Variants in GKAP1 observed in about 807,000 individuals in gnomAD.
GKAP1 encodes G kinase anchoring protein 1.
GKAP1 carries 31 observed loss-of-function variants against 56.7 expected under a neutral mutation model. The observed-to-expected ratio is 0.55, with a 90% CI of 0.41 to 0.74. The LOEUF is 0.74. GKAP1 is among the 30% of genes least tolerant of loss of function. GKAP1 has a pLI of 0.00. For missense variants in GKAP1, 364 were observed against 402.3 expected (o/e 0.90, Z 0.82); for synonymous variants, 151 against 138.6 (o/e 1.09, Z -0.63).
chr9:83,784,282 A>G (rs1445394480), intron 6 of GKAP1, among the ~76,000 whole-genome samples: 4 of 149,980 alleles, frequency 2.7e-5, no homozygotes, highest in Non-Finnish European at 4.4e-5. Context: ...AGAAAAAAAA[A>G]AAGAAGAATT....
At chr9:83,777,747 T>A (rs774631373) in intron 7 of GKAP1, among the ~76,000 whole-genome samples, 40 of 152,178 alleles carry the variant, frequency 2.6e-4, no homozygotes, top group Admixed American at 1.3e-3. Flanking sequence ...ATATTAAAGA[T>A]GGAATGAATT....
intron 3 of GKAP1, among the ~76,000 whole-genome samples, chr9:83,799,837 C>T (rs910997046): frequency 2.6e-5 from 4 of 152,120 alleles, no homozygotes; most frequent in African/African-American, 7.2e-5. Context: ...TGGTGACACA[C>T]ACCTGTGGTC....
rs1485749456 is a variant in GKAP1, at chr9:83,774,701, CCTTTTTTTTTTT to C, written c.585+5669_585+5680del. ...AGAAACTATCAATAAACAGAAACCC[CCTTTTTTTTTTT>C]TTTTTTTTTTTTTTTGAGACAGAGG... On this transcript the variant is annotated intron_variant, in intron 7 of 12. Coordinates refer to ENST00000376371, the MANE Select transcript of GKAP1 (RefSeq NM_025211.4). 1.8e-4 allele frequency among the ~76,000 whole-genome samples: 18 copies of C among 100,972 alleles called. No homozygotes were observed. In the South Asian group the frequency reaches 3.9e-3, roughly 22 times the overall value. The allele number at this position is 100,972 out of a possible 152,430, so 66.2% of individuals were successfully genotyped here.
intron 5 of GKAP1, 37 bp from the exon 6 acceptor site, chr9:83,784,875 AC>A (rs762981947): frequency 6.9e-7 from 1 of 1,441,528 alleles, no homozygotes; most frequent in Non-Finnish European, 9.4e-7. Context: ...AGTTCAGTTT[AC>A]AAACTGTAAA....
At chr9:83,778,370 A>AAAGAATGAG (rs1449468339) in intron 7 of GKAP1, among the ~76,000 whole-genome samples, 3 of 152,210 alleles carry the variant, frequency 2.0e-5, no homozygotes, top group African/African-American at 7.2e-5. Context: ...CAGCCATAAA[A>AAAGAATGAG]AAGAATGAGA....
chr9:83,782,090 C>T (rs934658677), intron 6 of GKAP1, among the ~76,000 whole-genome samples: 1 of 152,032 alleles, frequency 6.6e-6, no homozygotes, highest in Non-Finnish European at 1.5e-5. Context: ...GATCCGCCCA[C>T]CTCGGCCTCC....
intron 3 of GKAP1, among the ~76,000 whole-genome samples, chr9:83,803,290 C>T (rs1425724301): frequency 4.6e-5 from 7 of 151,748 alleles, no homozygotes; most frequent in Admixed American, 6.6e-5. Flanking sequence ...CCACGGTCTC[C>T]CTCTGATGCC....
rs779809540 is a variant in GKAP1 at position 83,806,370 on chromosome 9, T to A, written c.148A>T (p.Thr50Ser). 3.2e-6 allele frequency: 5 copies of A among 1,578,270 alleles called. No individual in the cohort carries two copies. The highest frequency in any genetic ancestry group is 4.3e-6 in the Non-Finnish European group (5 of 1,160,924). ...TTCTCTCTTTTTTTCTCATTTGTAGTTGACTTGCTTCCTAAAGTTTGAGAC... is the reference window on the plus strand; with the variant it reads ...TTCTCTCTTTTTTTCTCATTTGTAGATGACTTGCTTCCTAAAGTTTGAGAC... ...GKSQTLGSKS[T>S]TNEKKREKRR... The change falls in exon 3 of 13, where the codon ACT (threonine) becomes TCT (serine). Residue 50 changes from threonine (T) to serine (S), a missense_variant. By Grantham distance (58) the Thr-to-Ser change is moderately conservative (BLOSUM62 1). Transcript: ENST00000376371.
intron 7 of GKAP1, among the ~76,000 whole-genome samples, chr9:83,779,612 T>TACACACACACACACAC (rs10546262): frequency 1.6e-5 from 2 of 127,380 alleles, no homozygotes; most frequent in East Asian, 4.5e-4. Flanking sequence ...TATACACATA[T>TACACACACACACACAC]ACACACACAC....
At chr9:83,779,665 T>C (rs900207945) in intron 7 of GKAP1, among the ~76,000 whole-genome samples, 12 of 148,676 alleles carry the variant, frequency 8.1e-5, no homozygotes, top group Non-Finnish European at 1.6e-4. Flanking sequence ...TCGAGGACCA[T>C]CTGACCATAA....
chr9:83,802,372 G>C (rs990272582), intron 3 of GKAP1, among the ~76,000 whole-genome samples: 3 of 122,478 alleles, frequency 2.4e-5, no homozygotes, highest in Non-Finnish European at 3.5e-5. Context: ...CCAGCTACTC[G>C]AGAGGCTGAG....
intron 7 of GKAP1, among the ~76,000 whole-genome samples, chr9:83,779,494 CATATACACAT>C (rs895672052): frequency 1.9e-5 from 2 of 103,486 alleles, no homozygotes; most frequent in African/African-American, 6.6e-5. Context: ...CATATATACA[CATATACACAT>C]ATATGTGTAT....
At chr9:83,794,098 T>A (rs2131305477) in intron 4 of GKAP1, among the ~76,000 whole-genome samples, 1 of 152,040 alleles carries the variant, frequency 6.6e-6, no homozygotes, top group African/African-American at 2.4e-5. Flanking sequence ...AGCCTGGGAG[T>A]CAAGGCTGCA....
At chr9:83,798,324 G>GT in intron 4 of GKAP1, among the ~76,000 whole-genome samples, 1 of 152,106 alleles carries the variant, frequency 6.6e-6, no homozygotes, top group South Asian at 2.1e-4. Flanking sequence ...TCCAGGCTTA[G>GT]TATGTTATTT....
rs1442444417 is a variant in GKAP1 at position 83,759,914 on chromosome 9, C to T, written c.739-6555G>A. 2.6e-5 allele frequency among the ~76,000 whole-genome samples: 4 copies of T among 152,138 alleles called. No homozygotes were observed. In the East Asian group the frequency reaches 7.7e-4, roughly 29 times the overall value. On this transcript the variant is annotated intron_variant, in intron 8 of 12. Transcript: ENST00000376371. Reference sequence around the variant, plus strand: ...TAACGTCTGCTGACTAAATTATAAACCAGCCTTTAAATTTGCCACAGTCTT... The same window carrying T: ...TAACGTCTGCTGACTAAATTATAAATCAGCCTTTAAATTTGCCACAGTCTT...
chr9:83,758,048 A>G (rs1943506123), intron 8 of GKAP1, among the ~76,000 whole-genome samples: 1 of 152,196 alleles, frequency 6.6e-6, no homozygotes, highest in Non-Finnish European at 1.5e-5. Flanking sequence ...GAAGGCCACA[A>G]GAGGGGACAG....
chr9:83,780,552 T>C, intron 6 of GKAP1, 148 bp from the exon 7 acceptor site: 1 of 496,174 alleles, frequency 2.0e-6, no homozygotes, highest in Non-Finnish European at 3.6e-6. Context: ...TCTAGGATTC[T>C]CATCTGATTT....
At position 83,772,321 on chromosome 9, in the gene GKAP1, A is replaced by T. The variant is rs578167763; in HGVS notation, c.586-3351T>A. ...ATATTTATGATCAAATTTACTTTTTAAAAAGGTGTCAAGGTATTTTATTAA... is the reference window on the plus strand; with the variant it reads ...ATATTTATGATCAAATTTACTTTTTTAAAAGGTGTCAAGGTATTTTATTAA... On this transcript the variant is annotated intron_variant, in intron 7 of 12. Coordinates refer to ENST00000376371, the MANE Select transcript of GKAP1 (RefSeq NM_025211.4). 5.9e-5 allele frequency among the ~76,000 whole-genome samples: 9 copies of T among 152,306 alleles called. No homozygotes were observed. In the South Asian group the frequency reaches 1.7e-3, roughly 28 times the overall value.
At chr9:83,795,144 G>A (rs1286981874) in intron 4 of GKAP1, among the ~76,000 whole-genome samples, 4 of 126,646 alleles carry the variant, frequency 3.2e-5, no homozygotes, top group Non-Finnish European at 4.7e-5. Flanking sequence ...CGACAAGAGC[G>A]AGACTCCATC....
Sources: gnomAD v4.1 joint callset for allele counts (sites outside exome capture counted in the v4.1 genomes callset) on GRCh38, gnomAD v4.1.1 for gene constraint, MANE v1.5 for transcripts, NCBI Gene and HGNC (gene_info 2026-07-23, HGNC 2026-07-21) for gene names.